The following ADAMTS7 variants were observed in gnomAD, a reference collection of about 807,000 sequenced individuals.
ADAMTS7 encodes ADAM metallopeptidase with thrombospondin type 1 motif 7, also known as A disintegrin and metalloproteinase with thrombospondin motifs 7.
In ADAMTS7, 89 loss-of-function variants were observed where a neutral mutation model predicts 172.6. The ratio of observed to expected loss-of-function variants is 0.52; its 90% CI spans 0.43 to 0.61. The LOEUF (loss-of-function observed/expected upper bound fraction) is 0.61, where lower values mean the gene tolerates loss of function less well. ADAMTS7 is among the 20% of genes least tolerant of loss of function. ADAMTS7 has a pLI of 0.00. For missense variants in ADAMTS7, 1,973 were observed against 2,355.6 expected, an observed-to-expected ratio of 0.84 and a Z score of 3.36; for synonymous variants, 885 against 978.4, an observed-to-expected ratio of 0.90 and a Z score of 1.78.
At position 78,800,309 on chromosome 15, in the gene ADAMTS7, G is replaced by A. The variant is rs371861678; in HGVS notation, c.339C>T (p.Arg113=). The change falls in exon 2 of 24, where the codon CGC becomes CGT. Residue 113 remains arginine (R), a synonymous_variant. Transcript: ENST00000388820. ...GGATGTGCGCGCGGCCCAGGCCGCCGCGCCGCCGCGTCTCGCTCACAAAGC... is the reference window on the plus strand; with the variant it reads ...GGATGTGCGCGCGGCCCAGGCCGCCACGCCGCCGCGTCTCGCTCACAAAGC... ...APGFVSETRR[R]GGLGRAHIRA... The A allele has an allele frequency of 7.0e-5, 111 of 1,590,354 alleles. No homozygotes were observed. In the African/African-American group the frequency reaches 1.3e-3, roughly 18 times the overall value.
chr15:78,762,482 A>T lies in ADAMTS7; in HGVS notation c.4824T>A (p.Ser1608Arg). The T allele has an allele frequency of 6.3e-7, 1 of 1,589,116 alleles. No homozygotes were observed. Among genetic ancestry groups the T allele is most frequent in the Non-Finnish European group, 8.6e-7 (1 of 1,168,210 alleles). The change falls in exon 23 of 24, where the codon AGT becomes AGA. Residue 1608 changes from serine (S) to arginine (R), a missense_variant. This residue lies in a region of ADAMTS7 where 42 missense variants were observed against 78.3 expected (regional missense o/e 0.54). Coordinates refer to ENST00000388820, the MANE Select transcript of ADAMTS7 (RefSeq NM_014272.5). ...GCCAGGCCTCGTGGCCACACTGGTC[A>T]CTGTCTTCCTCGGGCAGCCCTGTCT... is the stretch of plus-strand genomic sequence containing the variant. ...NTQTGLPEED[S>R]DQCGHEAWPE...
chr15:78,767,359 C>G lies in ADAMTS7; in HGVS notation c.2859+20G>C. ...CCAAGGGTGGAGCTGGAGGCGGGCC[C>G]CTTCCCATCCCACACTCACCTGAGA... On this transcript the variant is annotated intron_variant, in intron 18 of 23. Transcript: ENST00000388820. 1 of 1,610,908 alleles carries G rather than the reference C, an allele frequency of 6.2e-7. No homozygotes were observed. The highest frequency in any genetic ancestry group is 1.1e-5 in the South Asian group (1 of 90,796).
chr15:78,798,377 C>T (rs1272878760), intron 2 of ADAMTS7, among the ~76,000 whole-genome samples: 1 of 152,210 alleles, frequency 6.6e-6, no homozygotes, highest in African/African-American at 2.4e-5. Context: ...CTGCCCCACA[C>T]ACCCACCCCA....
chr15:78,762,644 C>G (rs1003785984), intron 22 of ADAMTS7, 79 bp from the exon 23 acceptor site: 1 of 1,155,196 alleles, frequency 8.7e-7, no homozygotes, highest in Non-Finnish European at 1.1e-6. Flanking sequence ...TCTGGGAAGC[C>G]GTCCCTGCGC....
chr15:78,788,491 A>G, intron 7 of ADAMTS7, 117 bp from the exon 8 acceptor site: 1 of 1,249,352 alleles, frequency 8.0e-7, no homozygotes, highest in East Asian at 2.4e-5. Context: ...TCTGCCACCC[A>G]ATGGCTGCAC....
At chr15:78,760,959 C>T (rs946313545) in intron 23 of ADAMTS7, among the ~76,000 whole-genome samples, 6 of 152,172 alleles carry the variant, frequency 3.9e-5, no homozygotes, top group African/African-American at 1.2e-4. Context: ...TCTGCCCCAT[C>T]TGGTCCTCCC....
At position 78,777,608 on chromosome 15, in the gene ADAMTS7, A is replaced by AGAGG; in HGVS notation, c.1323-21_1323-20insCCTC. 6.3e-7 allele frequency: 1 copy of AGAGG among 1,594,788 alleles called. No individual in the cohort carries two copies. Among genetic ancestry groups the AGAGG allele is most frequent in the South Asian group, 1.1e-5 (1 of 88,078 alleles). ...CCACGGCTAAAGATGGGACGGGAGG[A>AGAGG]TGGAGGGGGGCGCAGCCTGTGAGAC... On this transcript the variant is annotated intron_variant, in intron 8 of 23. Transcript: ENST00000388820.
At chr15:78,799,336 C>T (rs1338655196) in intron 2 of ADAMTS7, among the ~76,000 whole-genome samples, 3 of 134,076 alleles carry the variant, frequency 2.2e-5, no homozygotes, top group Non-Finnish European at 3.4e-5. Flanking sequence ...GGGCTGGTCA[C>T]CTGAACACGA....
Position 78,777,436 on chromosome 15 carries a change from C to T in ADAMTS7, c.1467+8G>A, listed in dbSNP as rs758422715. ...CCACACCCCCACACCCACACCGGCCCCACTCACATCCATGTCCTCGCAGAA... is the reference window on the plus strand; with the variant it reads ...CCACACCCCCACACCCACACCGGCCTCACTCACATCCATGTCCTCGCAGAA... On this transcript the variant is annotated splice_region_variant and intron_variant, in intron 9 of 23. Transcript: ENST00000388820. 6.2e-7 allele frequency: 1 copy of T among 1,611,274 alleles called. No homozygotes were observed. The highest frequency in any genetic ancestry group is 8.5e-7 in the Non-Finnish European group (1 of 1,179,120).
intron 2 of ADAMTS7, among the ~76,000 whole-genome samples, chr15:78,798,520 C>G (rs1470108600): frequency 6.6e-6 from 1 of 152,220 alleles, no homozygotes; most frequent in Non-Finnish European, 1.5e-5. Flanking sequence ...CCAGCCATTT[C>G]CAGCACTGTG....
chr15:78,762,402 C>T lies in ADAMTS7; in HGVS notation c.4903+1G>A, dbSNP rs747201167. 23 of 1,460,736 alleles carry T rather than the reference C, an allele frequency of 1.6e-5. No individual in the cohort carries two copies. The highest frequency in any genetic ancestry group is 5.8e-5 in the African/African-American group (4 of 69,214). The allele number at this position is 1,460,736 out of a possible 1,614,324, so 90.5% of individuals were successfully genotyped here. ...AGGGAGCCTGGGGTCAGGGGACTCA[C>T]GGGGAGGCTCGACGGGCTCACAATC... On this transcript the variant is annotated splice_donor_variant, in intron 23 of 23. Coordinates refer to ENST00000388820, the MANE Select transcript of ADAMTS7 (RefSeq NM_014272.5). LOFTEE classifies it high-confidence loss of function.
intron 7 of ADAMTS7, 116 bp from the exon 8 acceptor site, chr15:78,788,490 C>G: frequency 8.0e-7 from 1 of 1,246,904 alleles, no homozygotes; most frequent in East Asian, 2.4e-5. Flanking sequence ...TTCTGCCACC[C>G]AATGGCTGCA....
chr15:78,802,556 G>C (rs1212910541), intron 1 of ADAMTS7, among the ~76,000 whole-genome samples: 1 of 152,134 alleles, frequency 6.6e-6, no homozygotes, highest in Non-Finnish European at 1.5e-5. Flanking sequence ...GGAAAAAATT[G>C]GCAGACCTCT....
Position 78,771,256 on chromosome 15 carries a change from G to A in ADAMTS7, c.2424C>T (p.Ile808=), listed in dbSNP as rs746909440. The change falls in exon 16 of 24, where the codon ATC becomes ATT. Residue 808 remains isoleucine, a synonymous_variant. Transcript: ENST00000388820. The surrounding 1 kb of genome is among the most constrained non-coding windows in gnomAD (Gnocchi z 4.9). ...SNPGVHYEYT[I]HREAGGHDEV... The stretch of plus-strand genomic sequence containing the variant: ...CGTCGTGGCCACCTGCCTCCCTGTG[G>A]ATGGTGTACTCGTAGTGCACCCCAG... 3 of 1,612,622 alleles carry A rather than the reference G, an allele frequency of 1.9e-6. No homozygotes were observed. Among genetic ancestry groups the A allele is most frequent in the South Asian group, 2.2e-5 (2 of 90,914 alleles).
chr15:78,796,319 G>A (rs1413919240), intron 4 of ADAMTS7, among the ~76,000 whole-genome samples: 1 of 152,122 alleles, frequency 6.6e-6, no homozygotes, highest in Non-Finnish European at 1.5e-5. Flanking sequence ...GGTTGTGGCT[G>A]CCTCAGTCTC....
At position 78,766,346 on chromosome 15, in the gene ADAMTS7, T is replaced by C. The variant is rs111359850; in HGVS notation, c.3565A>G (p.Thr1189Ala). 8.9e-4 allele frequency: 1,441 copies of C among 1,610,654 alleles called. 8 individuals carry two copies. The African/African-American group carries it at 0.013, about 14-fold the overall frequency. ...VSTDGLQTPA[T>A]PESQNDFPVG... ...GGGAAATCATTTTGGCTCTCAGGGGTGGCAGGTGTCTGCAGGCCATCAGTG... is the reference window on the plus strand; with the variant it reads ...GGGAAATCATTTTGGCTCTCAGGGGCGGCAGGTGTCTGCAGGCCATCAGTG... Residue 1189 changes from threonine (T) to alanine (A), a missense_variant, in exon 19 of 24, where the codon ACC (threonine) becomes GCC (alanine). Coordinates refer to ENST00000388820, the MANE Select transcript of ADAMTS7 (RefSeq NM_014272.5).
chr15:78,763,552 A>C, intron 22 of ADAMTS7, 147 bp downstream of exon 22: 1 of 1,108,648 alleles, frequency 9.0e-7, no homozygotes, highest in Non-Finnish European at 1.2e-6. Context: ...GGCAGGTGTG[A>C]GCACCAGCCG....
intron 1 of ADAMTS7, among the ~76,000 whole-genome samples, chr15:78,808,148 G>C (rs2055820526): frequency 6.6e-6 from 1 of 152,096 alleles, no homozygotes; most frequent in Non-Finnish European, 1.5e-5. Flanking sequence ...GAATCACTGT[G>C]TCTGGTCTAA....
At chr15:78,790,228 G>T (rs1241646687) in intron 6 of ADAMTS7, among the ~76,000 whole-genome samples, 1 of 152,194 alleles carries the variant, frequency 6.6e-6, no homozygotes, top group Non-Finnish European at 1.5e-5. Context: ...TGATGGGACA[G>T]ATCTGTATCT....
Sources: allele counts gnomAD v4.1 joint callset (sites outside exome capture counted in the v4.1 genomes callset), GRCh38; gene constraint gnomAD v4.1.1; regional missense constraint gnomAD v4.1.1; non-coding constraint Gnocchi (gnomAD v3.1); transcripts MANE v1.5; gene names NCBI Gene and HGNC (gene_info 2026-07-23, HGNC 2026-07-21).